WDPCP: variants seen among roughly 807,000 people sequenced by gnomAD.
WDPCP encodes the protein WD repeat-containing and planar cell polarity effector protein fritz homolog.
Under a neutral mutation model 93.1 loss-of-function variants are expected in WDPCP, and 71 were observed. The ratio of observed to expected loss-of-function variants is 0.76; its 90% CI spans 0.63 to 0.93. WDPCP has a LOEUF of 0.93. WDPCP is among the 40% of genes least tolerant of loss of function. The pLI is 0.00. For missense variants in WDPCP, 844 were observed against 887.4 expected, an observed-to-expected ratio of 0.95 and a Z score of 0.62; for synonymous variants, 315 against 315.0, an observed-to-expected ratio of 1.00 and a Z score of 0.00.
upstream of WDPCP, among the ~76,000 whole-genome samples, chr2:63,830,634 C>G (rs1009601344): frequency 6.6e-5 from 10 of 152,088 alleles, no homozygotes; most frequent in African/African-American, 2.4e-4. Context: ...TTTTGTTTGG[C>G]TGACTCTCTT....
intron 12 of WDPCP, among the ~76,000 whole-genome samples, chr2:63,334,577 T>G (rs1405035861): frequency 6.6e-6 from 1 of 152,170 alleles, no homozygotes. Context: ...GATATGCATT[T>G]ATCTTAGTGA....
chr2:63,400,227 A>G (rs1431383807), intron 10 of WDPCP, among the ~76,000 whole-genome samples: 1 of 152,238 alleles, frequency 6.6e-6, no homozygotes, highest in Non-Finnish European at 1.5e-5. Context: ...ACAATAGGCA[A>G]GTGAATCATC....
chr2:63,638,187 T>G (rs531448472), intron 3 of WDPCP, among the ~76,000 whole-genome samples: 39 of 152,276 alleles, frequency 2.6e-4, no homozygotes, highest in Middle Eastern at 3.4e-3. Context: ...GTGCAAACCT[T>G]CAGTAATAAG....
At chr2:63,532,756 T>C (rs886872585) in intron 1 of WDPCP, among the ~76,000 whole-genome samples, 22 of 152,200 alleles carry the variant, frequency 1.4e-4, no homozygotes, top group Non-Finnish European at 2.9e-4. Context: ...TGCAAAAACA[T>C]GTCAAATTCT....
intron 13 of WDPCP, among the ~76,000 whole-genome samples, chr2:63,287,547 T>A (rs997354447): frequency 6.6e-6 from 1 of 152,202 alleles, no homozygotes; most frequent in African/African-American, 2.4e-5. Flanking sequence ...AGCAATCTTC[T>A]CCTCTTGACA....
intron 12 of WDPCP, chr2:63,359,793 C>T (rs1400420672): frequency 6.6e-6 from 1 of 152,124 alleles, no homozygotes; most frequent in Non-Finnish European, 1.5e-5. Context: ...AAAAATTGTA[C>T]TTTATGGCCG....
At chr2:63,304,761 C>T (rs1347662757) in intron 13 of WDPCP, among the ~76,000 whole-genome samples, 2 of 152,134 alleles carry the variant, frequency 1.3e-5, no homozygotes, top group Admixed American at 1.3e-4. Context: ...CGTTTACTTC[C>T]CTGGAAAGGG....
intron 14 of WDPCP, among the ~76,000 whole-genome samples, chr2:63,238,678 T>A (rs1679612053): frequency 6.6e-6 from 1 of 152,174 alleles, no homozygotes; most frequent in African/African-American, 2.4e-5. Flanking sequence ...ACATGGACCT[T>A]ACTCCCTTTT....
intron 3 of WDPCP, among the ~76,000 whole-genome samples, chr2:63,649,210 G>A (rs1422219640): frequency 1.3e-5 from 2 of 152,114 alleles, no homozygotes; most frequent in Non-Finnish European, 2.9e-5. Flanking sequence ...CTTGGTGGAT[G>A]GGGAAAGTAG....
At chr2:63,386,141 C>A (rs1692710840) in intron 10 of WDPCP, among the ~76,000 whole-genome samples, 1 of 151,840 alleles carries the variant, frequency 6.6e-6, no homozygotes, top group South Asian at 2.1e-4. Flanking sequence ...TCCTTGTGAC[C>A]CTGCGTCAAA....
intron 14 of WDPCP, among the ~76,000 whole-genome samples, chr2:63,192,739 T>A (rs1260903056): frequency 6.6e-6 from 1 of 152,258 alleles, no homozygotes; most frequent in Non-Finnish European, 1.5e-5. Flanking sequence ...ATTTGTCTTC[T>A]GAAATAAATG....
Position 63,390,609 on chromosome 2 carries a change from G to A in WDPCP, c.1436-8515C>T, listed in dbSNP as rs10196087. ...ACCTTTCAAAAAAATCAATGAATCC[G>A]GGAGCTGGTTTTTCAAAAAGATCAA... On this transcript the variant is annotated intron_variant, in intron 10 of 17. Transcript: ENST00000272321. Among the ~76,000 whole-genome samples, 1,011 of 152,098 alleles carry A rather than the reference G, an allele frequency of 6.6e-3. 2 individuals are homozygous for A. The highest frequency in any genetic ancestry group is 0.01 in the Middle Eastern group (3 of 294).
chr2:63,440,128 G>C, intron 6 of WDPCP: 1 of 398,452 alleles, frequency 2.5e-6, no homozygotes, highest in East Asian at 4.4e-5. Flanking sequence ...ATGTTTATTA[G>C]AAATCTAATC....
intron 3 of WDPCP, chr2:63,622,403 G>T: frequency 6.2e-7 from 1 of 1,613,628 alleles, no homozygotes. Context: ...CAAATTCCTG[G>T]ACAGCTCTGG....
chr2:63,214,193 C>G (rs1370269479), intron 14 of WDPCP, among the ~76,000 whole-genome samples: 1 of 152,170 alleles, frequency 6.6e-6, no homozygotes, highest in African/African-American at 2.4e-5. Context: ...AGACCAATAT[C>G]CATGATGAAC....
chr2:63,817,642 G>A (rs534330628), intron 1 of WDPCP, among the ~76,000 whole-genome samples: 5 of 152,154 alleles, frequency 3.3e-5, no homozygotes, highest in African/African-American at 9.6e-5. Context: ...GCAGAGTTCA[G>A]TAGCTGTGAC....
At chr2:63,665,011 T>C (rs1339880965) in intron 2 of WDPCP, among the ~76,000 whole-genome samples, 1 of 152,172 alleles carries the variant, frequency 6.6e-6, no homozygotes, top group East Asian at 1.9e-4. Context: ...AGGGAGCAGA[T>C]AGAGAAAGTG....
chr2:63,282,333 T>A (rs1050050775), intron 13 of WDPCP, among the ~76,000 whole-genome samples: 4 of 152,024 alleles, frequency 2.6e-5, no homozygotes, highest in Non-Finnish European at 4.4e-5. Flanking sequence ...GGTGAAACCC[T>A]GTCTCTACTA....
At chr2:63,674,984 G>A (rs894222020) in intron 2 of WDPCP, among the ~76,000 whole-genome samples, 1 of 152,152 alleles carries the variant, frequency 6.6e-6, no homozygotes, top group Non-Finnish European at 1.5e-5. Flanking sequence ...CTGGCATGGG[G>A]CAGCAGCCTC....
Sources: gnomAD v4.1 joint callset for allele counts (sites outside exome capture counted in the v4.1 genomes callset) on GRCh38, gnomAD v4.1.1 for gene constraint, MANE v1.5 for transcripts, NCBI Gene and HGNC (gene_info 2026-07-23, HGNC 2026-07-21) for gene names.